Variants in CDH18 observed in about 807,000 individuals in gnomAD.
The protein encoded by CDH18 is cadherin-18.
A neutral mutation model predicts 67.9 loss-of-function variants in CDH18; 31 were observed. The observed-to-expected ratio is 0.46, with a 90% CI of 0.34 to 0.62. The LOEUF (loss-of-function observed/expected upper bound fraction) is 0.62. Among genes scored for constraint, CDH18 ranks in the 20% least tolerant of loss-of-function variants. CDH18 has a pLI of 0.01. For missense variants in CDH18, 890 were observed against 975.5 expected (o/e 0.91, Z 1.17); for synonymous variants, 362 against 347.2 (o/e 1.04, Z -0.48).
At chr5:19,954,060 CAT>C (rs1232019262) in intron 2 of CDH18, among the ~76,000 whole-genome samples, 1 of 151,990 alleles carries the variant, frequency 6.6e-6, no homozygotes, top group Non-Finnish European at 1.5e-5. Context: ...GATTCTACCA[CAT>C]CTTTGCATTC....
chr5:20,170,656 G>T (rs1390459296), intron 2 of CDH18, among the ~76,000 whole-genome samples: 1 of 151,930 alleles, frequency 6.6e-6, no homozygotes, highest in Non-Finnish European at 1.5e-5. Flanking sequence ...TGTTTAGTTA[G>T]GTTTTCCCCT....
intron 2 of CDH18, among the ~76,000 whole-genome samples, chr5:20,156,754 A>T (rs1289339209): frequency 6.6e-6 from 1 of 152,186 alleles, no homozygotes; most frequent in Non-Finnish European, 1.5e-5. Flanking sequence ...GTACCACCAG[A>T]CCTACTCTAC....
chr5:19,803,817 C>G (rs533864156), intron 3 of CDH18: 1 of 152,056 alleles, frequency 6.6e-6, no homozygotes, highest in African/African-American at 2.4e-5. Context: ...TAAACTAGTA[C>G]CTACCTTAAA....
intron 2 of CDH18, among the ~76,000 whole-genome samples, chr5:20,087,584 T>C (rs1336912879): frequency 6.6e-6 from 1 of 152,048 alleles, no homozygotes; most frequent in Non-Finnish European, 1.5e-5. Flanking sequence ...CAGCAGCCAT[T>C]AGCAACAAGG....
chr5:20,432,111 T>G (rs999417416), intron 1 of CDH18, among the ~76,000 whole-genome samples: 2 of 152,180 alleles, frequency 1.3e-5, no homozygotes, highest in Non-Finnish European at 2.9e-5. Context: ...TGTGACAATA[T>G]ACTGTTCTGA....
intron 5 of CDH18, among the ~76,000 whole-genome samples, chr5:19,632,207 C>T (rs1752515896): frequency 6.6e-6 from 1 of 152,116 alleles, no homozygotes; most frequent in Non-Finnish European, 1.5e-5. Context: ...ATATTTTCTC[C>T]AAAGCAGACA....
intron 2 of CDH18, among the ~76,000 whole-genome samples, chr5:19,994,306 CAT>C (rs1354394842): frequency 6.7e-6 from 1 of 149,298 alleles, no homozygotes; most frequent in Admixed American, 6.7e-5. Context: ...CATATATACA[CAT>C]ATATGTATAC....
intron 1 of CDH18, among the ~76,000 whole-genome samples, chr5:20,418,508 G>T (rs1050829400): frequency 2.6e-5 from 4 of 151,718 alleles, no homozygotes; most frequent in African/African-American, 9.7e-5. Context: ...TTCCTAGAGT[G>T]ACATTTGCTA....
At chr5:20,094,158 C>T (rs1039998381) in intron 2 of CDH18, among the ~76,000 whole-genome samples, 1 of 152,132 alleles carries the variant, frequency 6.6e-6, no homozygotes, top group Non-Finnish European at 1.5e-5. Flanking sequence ...CAATAGCAAC[C>T]TAGTCTGGAA....
At chr5:19,958,623 A>G (rs1275585005) in intron 2 of CDH18, among the ~76,000 whole-genome samples, 1 of 151,786 alleles carries the variant, frequency 6.6e-6, no homozygotes, top group Non-Finnish European at 1.5e-5. Context: ...AGAGGAGAAG[A>G]CAGGTAAAAT....
intron 2 of CDH18, among the ~76,000 whole-genome samples, chr5:20,217,224 G>A (rs895780889): frequency 6.6e-6 from 1 of 151,760 alleles, no homozygotes; most frequent in Admixed American, 6.6e-5. Flanking sequence ...ATAATAAGTG[G>A]ACAGAAAACA....
intron 11 of CDH18, among the ~76,000 whole-genome samples, chr5:19,487,196 T>C (rs948338540): frequency 6.6e-6 from 1 of 152,056 alleles, no homozygotes; most frequent in African/African-American, 2.4e-5. Context: ...AAAATATAGA[T>C]AGATGATTGA....
At chr5:20,475,520 T>G (rs1053619184) in intron 1 of CDH18, among the ~76,000 whole-genome samples, 3 of 152,210 alleles carry the variant, frequency 2.0e-5, no homozygotes, top group Non-Finnish European at 2.9e-5. Context: ...TGTGCTATTA[T>G]AAATTCAACT....
At chr5:20,355,707 A>T (rs773442412) in intron 1 of CDH18, among the ~76,000 whole-genome samples, 4 of 152,208 alleles carry the variant, frequency 2.6e-5, no homozygotes, top group Non-Finnish European at 5.9e-5. Flanking sequence ...GTAAGGTAAA[A>T]CTACTTTTGT....
At chr5:20,109,634 T>G (rs1304396572) in intron 2 of CDH18, among the ~76,000 whole-genome samples, 1 of 152,140 alleles carries the variant, frequency 6.6e-6, no homozygotes, top group East Asian at 1.9e-4. Context: ...GTGTTTATGG[T>G]TTTTGAAGTA....
chr5:19,838,180 T>A (rs1172985479), intron 3 of CDH18, among the ~76,000 whole-genome samples: 1 of 152,198 alleles, frequency 6.6e-6, no homozygotes, highest in Non-Finnish European at 1.5e-5. Context: ...AAGATTTCAA[T>A]GTTTTTATGA....
intron 1 of CDH18, among the ~76,000 whole-genome samples, chr5:20,447,524 G>T (rs77926925): frequency 1.3e-5 from 2 of 152,160 alleles, no homozygotes; most frequent in African/African-American, 4.8e-5. Flanking sequence ...TCACTAGCCA[G>T]TACTTTGATT....
chr5:20,536,456 C>T (rs190698295), intron 1 of CDH18, among the ~76,000 whole-genome samples: 1 of 152,216 alleles, frequency 6.6e-6, no homozygotes, highest in East Asian at 1.9e-4. Context: ...GCAATGTTTG[C>T]TCAAATAATG....
At chr5:20,420,161 T>TC (rs1747750720) in intron 1 of CDH18, among the ~76,000 whole-genome samples, 1 of 151,148 alleles carries the variant, frequency 6.6e-6, no homozygotes, top group Non-Finnish European at 1.5e-5. Context: ...CGCGATACAA[T>TC]CAGTGAATGT....
Sources: allele counts gnomAD v4.1 joint callset (sites outside exome capture counted in the v4.1 genomes callset), GRCh38; gene constraint gnomAD v4.1.1; transcripts MANE v1.5; gene names NCBI Gene and HGNC (gene_info 2026-07-23, HGNC 2026-07-21).